Variants in ODAD2 observed in about 807,000 individuals in gnomAD.
ODAD2 encodes outer dynein arm docking complex subunit 2.
Under a neutral mutation model 106.8 loss-of-function variants are expected in ODAD2, and 89 were observed. That is an observed-to-expected ratio of 0.83 (90% confidence interval 0.70 to 0.99). The LOEUF (loss-of-function observed/expected upper bound fraction) is 0.99, where lower values mean the gene tolerates loss of function less well. Ranked by LOEUF, ODAD2 falls within the 50% of genes least tolerant of loss-of-function variation. The pLI is 0.00. For synonymous variants in ODAD2, 404 were observed against 436.2 expected (o/e 0.93, Z 0.92); for missense variants, 1,168 against 1,238.5 (o/e 0.94, Z 0.85).
intron 19 of ODAD2, among the ~76,000 whole-genome samples, chr10:27,838,752 T>C (rs1158818285): frequency 6.6e-6 from 1 of 151,200 alleles, no homozygotes; most frequent in African/African-American, 2.4e-5. Context: ...GCATATACTT[T>C]ATTTTACCAT....
chr10:27,913,884 A>C (rs757601882), intron 16 of ODAD2, among the ~76,000 whole-genome samples: 12 of 152,178 alleles, frequency 7.9e-5, no homozygotes, highest in Non-Finnish European at 1.6e-4. Context: ...CACTGCTGGT[A>C]GGAATGCAAA....
At chr10:27,958,932 A>T in intron 10 of ODAD2, 6 of 1,303,734 alleles carry the variant, frequency 4.6e-6, no homozygotes, top group Non-Finnish European at 6.1e-6. Context: ...CTGCTTCCTG[A>T]TCCATCTTTT....
intron 10 of ODAD2, among the ~76,000 whole-genome samples, chr10:27,947,672 G>T (rs966422878): frequency 6.6e-6 from 1 of 152,152 alleles, no homozygotes; most frequent in African/African-American, 2.4e-5. Flanking sequence ...TATATTAAGG[G>T]TTTGGAAATC....
chr10:27,955,149 T>G (rs1490809490), intron 10 of ODAD2, among the ~76,000 whole-genome samples: 3 of 152,212 alleles, frequency 2.0e-5, no homozygotes, highest in African/African-American at 7.2e-5. Context: ...TGGAGTTGAT[T>G]CGAGTGGACG....
Position 27,862,524 on chromosome 10 carries a change from A to C in ODAD2, c.2709T>G (p.Ala903=). 1 of 1,613,064 alleles carries C rather than the reference A, an allele frequency of 6.2e-7. No homozygotes were observed. Among genetic ancestry groups the C allele is most frequent in the African/African-American group, 1.3e-5 (1 of 75,028 alleles). ...DNKEVLASVC[A]AITNIAKDQE... ...GATCTTTTGCTATGTTGGTAATGGCAGCACATACACTTGCCAGAACTTCTT... is the reference window on the plus strand; with the variant it reads ...GATCTTTTGCTATGTTGGTAATGGCCGCACATACACTTGCCAGAACTTCTT... The change falls in exon 18 of 20, where the codon GCT becomes GCG. Residue 903 remains alanine (A), a synonymous_variant. Coordinates refer to ENST00000305242, the MANE Select transcript of ODAD2 (RefSeq NM_018076.5).
At chr10:27,902,467 T>C (rs574931891) in intron 17 of ODAD2, among the ~76,000 whole-genome samples, 4 of 152,142 alleles carry the variant, frequency 2.6e-5, no homozygotes, top group East Asian at 1.9e-4. Context: ...CTGAAGGTGA[T>C]AGAGACAGGA....
Position 27,971,292 on chromosome 10 carries a change from G to T in ODAD2, c.958C>A (p.Gln320Lys). The change falls in exon 8 of 20, where the codon CAG (glutamine) becomes AAG (lysine). Residue 320 changes from glutamine (Q) to lysine (K), a missense_variant. Transcript: ENST00000305242. ...CCAAGCTGATCCTTTTCCTTTTGCTGGTCTTCACTGAAGCTAATTCCCTTT... is the reference window on the plus strand; with the variant it reads ...CCAAGCTGATCCTTTTCCTTTTGCTTGTCTTCACTGAAGCTAATTCCCTTT... The part of the protein sequence containing the change: ...SKLGISFSED[Q>K]QKEKDQLGKA... 6.2e-7 allele frequency: 1 copy of T among 1,606,836 alleles called. No homozygotes were observed. The highest frequency in any genetic ancestry group is 8.5e-7 in the Non-Finnish European group (1 of 1,177,170).
chr10:27,907,151 G>A (rs1843657853), intron 17 of ODAD2, among the ~76,000 whole-genome samples: 1 of 152,086 alleles, frequency 6.6e-6, no homozygotes, highest in Admixed American at 6.6e-5. Context: ...TACAAATCAA[G>A]GGCTAAAATC....
chr10:27,885,917 A>T (rs1009228191), intron 17 of ODAD2, among the ~76,000 whole-genome samples: 14 of 126,182 alleles, frequency 1.1e-4, no homozygotes, highest in South Asian at 2.2e-4. Context: ...ATATATATAT[A>T]TTTTTATATA....
intron 17 of ODAD2, among the ~76,000 whole-genome samples, chr10:27,892,122 C>T (rs1287354702): frequency 6.6e-6 from 1 of 152,112 alleles, no homozygotes; most frequent in Non-Finnish European, 1.5e-5. Context: ...TTTCACAAAG[C>T]AGTTATTAGT....
intron 17 of ODAD2, among the ~76,000 whole-genome samples, chr10:27,872,149 T>C (rs1335594193): frequency 6.6e-6 from 1 of 152,034 alleles, no homozygotes; most frequent in Non-Finnish European, 1.5e-5. Context: ...ATGATTTGGC[T>C]CTCTGTTTGT....
At chr10:27,985,329 T>A (rs1386751591) in intron 3 of ODAD2, 118 bp from the exon 4 acceptor site, 6 of 877,024 alleles carry the variant, frequency 6.8e-6, no homozygotes, top group Non-Finnish European at 9.9e-6. Flanking sequence ...TTCATTAAGC[T>A]TTTTCTAAAC....
chr10:27,984,178 T>C lies in ODAD2; in HGVS notation c.682+6A>G, dbSNP rs760018378. 6.3e-7 allele frequency: 1 copy of C among 1,598,494 alleles called. No individual in the cohort carries two copies. Among genetic ancestry groups the C allele is most frequent in the Non-Finnish European group, 8.5e-7 (1 of 1,169,890 alleles). On this transcript the variant is annotated splice_donor_region_variant and intron_variant, in intron 5 of 19. Coordinates refer to ENST00000305242, the MANE Select transcript of ODAD2 (RefSeq NM_018076.5). ...AACATAAAATGAGCCTGAGAAAACA[T>C]CAAACCTGAGGTATATTCAATAGAT... is the stretch of plus-strand genomic sequence containing the variant.
rs746173842 is a variant in ODAD2, at chr10:27,860,804, G to A, written c.2842C>T (p.Arg948Cys). The change falls in exon 19 of 20, where the codon CGT (arginine) becomes TGT (cysteine). Residue 948 changes from arginine to cysteine, a missense_variant. Around this residue, in one of 3 missense-constraint regions of ODAD2, gnomAD observed 701 missense variants for 712.3 expected, o/e 0.98. Coordinates refer to ENST00000305242, the MANE Select transcript of ODAD2 (RefSeq NM_018076.5). ...CTATTCCTGCCCCACATACAGCAAC[G>A]TGAAATAGCTTCTGCTAGATGATGT... is the stretch of plus-strand genomic sequence containing the variant. Reference protein sequence around the residue: ...LRHHLAEAISRCCMWGRNRVA... With the variant: ...LRHHLAEAISCCCMWGRNRVA... 21 of 1,614,180 alleles carry A rather than the reference G, an allele frequency of 1.3e-5. No individual in the cohort carries two copies. Among genetic ancestry groups the A allele is most frequent in the East Asian group, 2.2e-5 (1 of 44,886 alleles).
intron 16 of ODAD2, among the ~76,000 whole-genome samples, chr10:27,914,387 C>A (rs960111816): frequency 6.6e-6 from 1 of 152,036 alleles, no homozygotes; most frequent in African/African-American, 2.4e-5. Flanking sequence ...TCTGTTCCAA[C>A]AATCATTCCC....
At chr10:27,863,943 G>A (rs2133357322) in intron 17 of ODAD2, among the ~76,000 whole-genome samples, 1 of 152,170 alleles carries the variant, frequency 6.6e-6, no homozygotes, top group East Asian at 1.9e-4. Context: ...GGAGCATCTT[G>A]GTAAAGGGTT....
intron 7 of ODAD2, among the ~76,000 whole-genome samples, chr10:27,980,129 C>A (rs935600947): frequency 1.2e-4 from 18 of 151,942 alleles, no homozygotes; most frequent in African/African-American, 3.6e-4. Context: ...TATCCACATG[C>A]AAAAGAATGA....
intron 17 of ODAD2, among the ~76,000 whole-genome samples, chr10:27,887,388 T>G (rs1842294748): frequency 6.6e-6 from 1 of 151,944 alleles, no homozygotes; most frequent in African/African-American, 2.4e-5. Flanking sequence ...AATAGGCAAC[T>G]TCAATATCCC....
At chr10:27,866,099 T>A (rs1840417978) in intron 17 of ODAD2, among the ~76,000 whole-genome samples, 1 of 152,230 alleles carries the variant, frequency 6.6e-6, no homozygotes, top group Non-Finnish European at 1.5e-5. Flanking sequence ...TGTCACTTTA[T>A]TACACTTCTA....
Sources: gnomAD v4.1 joint callset for allele counts (sites outside exome capture counted in the v4.1 genomes callset) on GRCh38, gnomAD v4.1.1 for gene constraint, gnomAD v4.1.1 regional missense constraint, MANE v1.5 for transcripts, NCBI Gene and HGNC (gene_info 2026-07-23, HGNC 2026-07-21) for gene names.